TSNARE1: variants seen among roughly 807,000 people sequenced by gnomAD.
TSNARE1 encodes the protein t-SNARE domain-containing protein 1.
Under a neutral mutation model 62.0 loss-of-function variants are expected in TSNARE1, and 49 were observed. That is an observed-to-expected ratio of 0.79 (90% CI 0.63 to 1.00). TSNARE1 has a LOEUF of 1.00. TSNARE1 is among the 50% of genes least tolerant of loss of function. TSNARE1 has a pLI of 0.00. For missense variants in TSNARE1, 755 were observed against 700.1 expected (o/e 1.08, Z -0.88); for synonymous variants, 328 against 294.4 (o/e 1.11, Z -1.17).
At chr8:142,322,314 T>C (rs939629717) in intron 6 of TSNARE1, among the ~76,000 whole-genome samples, 3 of 152,142 alleles carry the variant, frequency 2.0e-5, no homozygotes, top group Non-Finnish European at 4.4e-5. Context: ...AAAACAAACA[T>C]CTAAGATACT....
At chr8:142,361,192 C>T (rs560592740) in intron 1 of TSNARE1, among the ~76,000 whole-genome samples, 20 of 152,242 alleles carry the variant, frequency 1.3e-4, no homozygotes, top group Non-Finnish European at 1.9e-4. Context: ...ACCCGGGCAC[C>T]GTGGTGGGGA....
Position 142,352,954 on chromosome 8 carries a change from G to A in TSNARE1, c.88+1683C>T, listed in dbSNP as rs79239995. On this transcript the variant is annotated intron_variant, in intron 2 of 13. Coordinates refer to ENST00000524325, the MANE Select transcript of TSNARE1 (RefSeq NM_145003.5). Reference sequence around the variant, plus strand: ...ACGTACAATCCTGTGTCTACTCAGCGTCCCTTGGAACACATTTTTAAACAT... The same window carrying A: ...ACGTACAATCCTGTGTCTACTCAGCATCCCTTGGAACACATTTTTAAACAT... Among the ~76,000 whole-genome samples, 65 of 152,252 alleles carry A rather than the reference G, an allele frequency of 4.3e-4. 1 individual carries two copies. The highest frequency in any genetic ancestry group is 1.3e-3 in the African/African-American group (52 of 41,550).
rs559361278 is a variant in TSNARE1, at chr8:142,250,364, G to A, written c.1447-20785C>T. On this transcript the variant is annotated intron_variant, in intron 12 of 13. Transcript: ENST00000524325. Reference sequence around the variant, plus strand: ...AGCGAGTTAGAGCTCCTTGGGGTGCGAGGTTGGAGCAGTGGGTGCCAAGGC... The same window carrying A: ...AGCGAGTTAGAGCTCCTTGGGGTGCAAGGTTGGAGCAGTGGGTGCCAAGGC... Among the ~76,000 whole-genome samples, 49 of 152,274 alleles carry A rather than the reference G, an allele frequency of 3.2e-4. 1 individual carries two copies. The highest frequency in any genetic ancestry group is 1.1e-3 in the African/African-American group (47 of 41,558).
chr8:142,339,086 T>G (rs902767076), intron 4 of TSNARE1, among the ~76,000 whole-genome samples: 1 of 152,014 alleles, frequency 6.6e-6, no homozygotes, highest in African/African-American at 2.4e-5. Flanking sequence ...AAAGAGGTAG[T>G]AGGGACAGAG....
intron 12 of TSNARE1, among the ~76,000 whole-genome samples, chr8:142,267,425 AC>A (rs1819193372): frequency 6.6e-6 from 1 of 152,174 alleles, no homozygotes; most frequent in Non-Finnish European, 1.5e-5. Flanking sequence ...TGGATGAGGC[AC>A]CTGAAAACTG....
intron 9 of TSNARE1, 28 bp downstream of exon 9, chr8:142,314,356 C>A (rs1828173672): frequency 6.2e-7 from 1 of 1,609,352 alleles, no homozygotes; most frequent in Admixed American, 1.7e-5. Flanking sequence ...CTAACAGCCA[C>A]TGACCATGGT....
chr8:142,401,631 G>A (rs1838300381), intron 1 of TSNARE1, among the ~76,000 whole-genome samples: 1 of 152,144 alleles, frequency 6.6e-6, no homozygotes, highest in South Asian at 2.1e-4. Context: ...AAGTGTCCAG[G>A]GAAGGTTCCT....
chr8:142,382,286 T>C (rs919744233), intron 1 of TSNARE1, among the ~76,000 whole-genome samples: 16 of 152,282 alleles, frequency 1.1e-4, no homozygotes, highest in African/African-American at 2.6e-4. Flanking sequence ...AGGCACCTCG[T>C]AGACCACGCC....
intron 1 of TSNARE1, among the ~76,000 whole-genome samples, chr8:142,384,537 T>C (rs1250241057): frequency 6.6e-6 from 1 of 152,152 alleles, no homozygotes; most frequent in Admixed American, 6.5e-5. Context: ...GTATACATGG[T>C]GATATGATCA....
At chr8:142,217,196 A>G (rs1439201183) in intron 13 of TSNARE1, among the ~76,000 whole-genome samples, 1 of 151,922 alleles carries the variant, frequency 6.6e-6, no homozygotes, top group South Asian at 2.1e-4. Flanking sequence ...GTGAGCCGAG[A>G]TAGGGCCACT....
chr8:142,336,470 T>C (rs1022318584), intron 4 of TSNARE1, among the ~76,000 whole-genome samples: 1 of 151,906 alleles, frequency 6.6e-6, no homozygotes, highest in Non-Finnish European at 1.5e-5. Context: ...ACAAATATAA[T>C]AGAAATAAAA....
At chr8:142,324,310 G>A (rs2131842009) in intron 6 of TSNARE1, among the ~76,000 whole-genome samples, 1 of 152,316 alleles carries the variant, frequency 6.6e-6, no homozygotes, top group South Asian at 2.1e-4. Context: ...GGCGGCTACA[G>A]GGTCCAGGAA....
At chr8:142,371,809 G>C (rs1835937245) in intron 1 of TSNARE1, among the ~76,000 whole-genome samples, 1 of 152,136 alleles carries the variant, frequency 6.6e-6, no homozygotes, top group Non-Finnish European at 1.5e-5. Context: ...CTAAGCTGAG[G>C]GTTGGCAAAC....
chr8:142,346,633 G>A (rs1241857030), intron 2 of TSNARE1, among the ~76,000 whole-genome samples: 1 of 152,356 alleles, frequency 6.6e-6, no homozygotes, highest in East Asian at 1.9e-4. Flanking sequence ...GACCCCGCGT[G>A]CCTGTCTGCA....
intron 1 of TSNARE1, among the ~76,000 whole-genome samples, chr8:142,392,542 C>T (rs1204926208): frequency 3.9e-5 from 6 of 152,134 alleles, no homozygotes; most frequent in East Asian, 3.9e-4. Flanking sequence ...CACCAGGTGA[C>T]GGGAATTTTT....
At chr8:142,328,677 T>A (rs1830584666) in intron 6 of TSNARE1, among the ~76,000 whole-genome samples, 1 of 152,132 alleles carries the variant, frequency 6.6e-6, no homozygotes, top group African/African-American at 2.4e-5. Flanking sequence ...ACACACCATC[T>A]CCAGATCGTG....
At chr8:142,390,274 AACAGACGCTGTACACTGCGGGGGACTCCG>A (rs1837401474) in intron 1 of TSNARE1, among the ~76,000 whole-genome samples, 3 of 151,770 alleles carry the variant, frequency 2.0e-5, no homozygotes, top group African/African-American at 7.3e-5. Flanking sequence ...GGGACTCCGT[AACAGACGCTGTACACTGCGGGGGACTCCG>A]TAACAGACGC....
chr8:142,335,605 AAAGG>A (rs1271338774), intron 4 of TSNARE1, among the ~76,000 whole-genome samples: 3 of 152,218 alleles, frequency 2.0e-5, no homozygotes, highest in African/African-American at 4.8e-5. Context: ...CTCCAAAAAA[AAAGG>A]AAGGAAGAGA....
intron 12 of TSNARE1, chr8:142,271,184 T>A: frequency 1.0e-6 from 1 of 991,504 alleles, no homozygotes. Context: ...AGCAGGCCCC[T>A]GGGCCACTCC....
Sources: allele counts gnomAD v4.1 joint callset (sites outside exome capture counted in the v4.1 genomes callset), GRCh38; gene constraint gnomAD v4.1.1; transcripts MANE v1.5; gene names NCBI Gene and HGNC (gene_info 2026-07-23, HGNC 2026-07-21).